Variants in ZCCHC24 observed in about 807,000 individuals in gnomAD.
The protein encoded by ZCCHC24 is zinc finger CCHC domain-containing protein 24.
In ZCCHC24, 10 loss-of-function variants were observed where a neutral mutation model predicts 26.2. The observed-to-expected ratio is 0.38, with a 90% CI of 0.24 to 0.65. The LOEUF (loss-of-function observed/expected upper bound fraction) is 0.65. Ranked by LOEUF, ZCCHC24 falls within the 30% of genes least tolerant of loss-of-function variation. ZCCHC24 has a pLI of 0.54. For synonymous variants in ZCCHC24, 144 were observed against 147.1 expected (o/e 0.98, Z 0.15); for missense variants, 243 against 329.1 (o/e 0.74, Z 2.03).
At chr10:79,409,958 AG>A (rs1370663729) in intron 2 of ZCCHC24, among the ~76,000 whole-genome samples, 1 of 152,186 alleles carries the variant, frequency 6.6e-6, no homozygotes, top group African/African-American at 2.4e-5. Flanking sequence ...AGAGCAAGGC[AG>A]GGGATGCGTT....
At chr10:79,418,753 TG>T (rs948625200) in intron 2 of ZCCHC24, among the ~76,000 whole-genome samples, 1 of 151,634 alleles carries the variant, frequency 6.6e-6, no homozygotes, top group African/African-American at 2.4e-5. Context: ...CAGATGGGGA[TG>T]GGGGAAAGAT....
In ZCCHC24 at chr10:79,386,305, G is replaced by A; in HGVS notation, c.*40C>T. On this transcript the variant is annotated 3_prime_UTR_variant, in exon 4 of 4. Transcript: ENST00000372336. ...AGCACAGGGAAGCAGCGTCTCCTCG[G>A]GCTGGCGGGGGGTGGCTCTGGGTGC... The A allele has an allele frequency of 2.5e-6, 4 of 1,585,998 alleles. No individual in the cohort carries two copies. The highest frequency in any genetic ancestry group is 1.7e-4 in the Middle Eastern group (1 of 6,018).
At chr10:79,417,752 G>C (rs1005321977) in intron 2 of ZCCHC24, among the ~76,000 whole-genome samples, 4 of 152,208 alleles carry the variant, frequency 2.6e-5, no homozygotes, top group African/African-American at 7.2e-5. Context: ...GCATGAGGAA[G>C]GCCTGATGTC....
Position 79,445,562 on chromosome 10 carries a change from C to A in ZCCHC24, c.-122G>T. ...CCTCCCGAGCCCCGACGGTGATCGC[C>A]CCGCGCCCTGCGCCCCGCGCGCTGC... On this transcript the variant is annotated 5_prime_UTR_variant, in exon 1 of 4. Transcript: ENST00000372336. 1.1e-6 allele frequency: 1 copy of A among 899,426 alleles called. No individual in the cohort carries two copies. The highest frequency in any genetic ancestry group is 5.3e-5 in the East Asian group (1 of 18,972). 55.7% of individuals were successfully genotyped at this position (899,426 alleles called of 1,614,324 possible).
intron 1 of ZCCHC24, among the ~76,000 whole-genome samples, chr10:79,435,428 G>A (rs949003745): frequency 5.9e-5 from 9 of 152,130 alleles, no homozygotes; most frequent in Non-Finnish European, 1.0e-4. Context: ...AGGCCTCTAA[G>A]CGGGTGCCCT....
At chr10:79,389,859 A>C (rs1856452926) in intron 3 of ZCCHC24, among the ~76,000 whole-genome samples, 1 of 151,682 alleles carries the variant, frequency 6.6e-6, no homozygotes. Context: ...CAAGTGATCC[A>C]CCCACTTTGG....
At chr10:79,418,142 C>T (rs988587804) in intron 2 of ZCCHC24, among the ~76,000 whole-genome samples, 33 of 152,226 alleles carry the variant, frequency 2.2e-4, no homozygotes, top group Non-Finnish European at 1.0e-4. Flanking sequence ...CACCCTCGCT[C>T]GCACACCTCT....
At chr10:79,424,549 G>A (rs1336368086) in intron 2 of ZCCHC24, among the ~76,000 whole-genome samples, 1 of 152,128 alleles carries the variant, frequency 6.6e-6, no homozygotes, top group Non-Finnish European at 1.5e-5. Context: ...CTTGTGTCCA[G>A]TCATCAGTCC....
At chr10:79,416,114 G>T (rs1435943160) in intron 2 of ZCCHC24, among the ~76,000 whole-genome samples, 2 of 152,206 alleles carry the variant, frequency 1.3e-5, no homozygotes, top group Admixed American at 6.5e-5. Flanking sequence ...ATAAATAAAA[G>T]TATTTTTATT....
At chr10:79,417,029 T>A (rs1180354245) in intron 2 of ZCCHC24, among the ~76,000 whole-genome samples, 1 of 152,236 alleles carries the variant, frequency 6.6e-6, no homozygotes, top group African/African-American at 2.4e-5. Context: ...TGGCTCACAC[T>A]TGCTGAGCAC....
intron 2 of ZCCHC24, among the ~76,000 whole-genome samples, chr10:79,430,686 C>CACCACACACACACA (rs370025190): frequency 2.8e-4 from 40 of 140,696 alleles, no homozygotes; most frequent in Middle Eastern, 3.7e-3. Context: ...CACACACACA[C>CACCACACACACACA]CACACACACA....
intron 2 of ZCCHC24, among the ~76,000 whole-genome samples, chr10:79,401,420 C>T (rs183523337): frequency 1.3e-3 from 191 of 152,338 alleles, no homozygotes; most frequent in African/African-American, 4.3e-3. Context: ...GGAACGCTGA[C>T]GCATGTAGAG....
chr10:79,406,568 C>T (rs1272473365), intron 2 of ZCCHC24, among the ~76,000 whole-genome samples: 1 of 152,120 alleles, frequency 6.6e-6, no homozygotes, highest in Non-Finnish European at 1.5e-5. Flanking sequence ...ATGGAGTGTC[C>T]CCAAATGGTC....
chr10:79,436,327 T>C (rs1857217153), intron 1 of ZCCHC24, among the ~76,000 whole-genome samples: 1 of 152,206 alleles, frequency 6.6e-6, no homozygotes, highest in South Asian at 2.1e-4. Context: ...TCCAGGGTTG[T>C]GGCCTTGACC....
Position 79,389,861 on chromosome 10 carries a change from C to A in ZCCHC24, c.613-3403G>T, listed in dbSNP as rs4603244. On this transcript the variant is annotated intron_variant, in intron 3 of 3. Transcript: ENST00000372336. ...GAGCTCCTGACCTCAAGTGATCCACCCACTTTGGCCTCCCAAAGTATTGGG... is the reference window on the plus strand; with the variant it reads ...GAGCTCCTGACCTCAAGTGATCCACACACTTTGGCCTCCCAAAGTATTGGG... 8.1e-3 allele frequency among the ~76,000 whole-genome samples: 1,230 copies of A among 152,066 alleles called. 9 individuals are homozygous for A. Among genetic ancestry groups the A allele is most frequent in the South Asian group, 0.013 (64 of 4,826 alleles).
Position 79,445,451 on chromosome 10 carries a change from C to A in ZCCHC24, c.-11G>T. 7.1e-7 allele frequency: 1 copy of A among 1,417,362 alleles called. No individual in the cohort carries two copies. The highest frequency in any genetic ancestry group is 3.1e-5 in the East Asian group (1 of 32,634). The allele number at this position is 1,417,362 out of a possible 1,614,324, so 87.8% of individuals were successfully genotyped here. A position where few individuals can be genotyped will look rare whatever the true frequency, so the allele number is the denominator to read the frequency against. On this transcript the variant is annotated 5_prime_UTR_variant, in exon 1 of 4. Transcript: ENST00000372336. ...CGACAGCAGGCTCATTTTGTGGCGG[C>A]GGTGCCGGCCCCTCCCCGGCCGCCC...
chr10:79,420,653 T>C (rs1235441862), intron 2 of ZCCHC24, among the ~76,000 whole-genome samples: 1 of 152,112 alleles, frequency 6.6e-6, no homozygotes, highest in Non-Finnish European at 1.5e-5. Flanking sequence ...GTGGTTCATG[T>C]CTATAGTTCC....
chr10:79,437,799 C>T (rs1030693005), intron 1 of ZCCHC24, among the ~76,000 whole-genome samples: 22 of 152,228 alleles, frequency 1.4e-4, no homozygotes, highest in African/African-American at 4.3e-4. Context: ...CAGTTCTCCC[C>T]GGAGCAAGCC....
At chr10:79,429,892 G>T (rs1214293230) in intron 2 of ZCCHC24, among the ~76,000 whole-genome samples, 1 of 152,126 alleles carries the variant, frequency 6.6e-6, no homozygotes, top group East Asian at 1.9e-4. Context: ...GCCTTGCACT[G>T]AGCACCGCTG....
Sources: allele counts gnomAD v4.1 joint callset (sites outside exome capture counted in the v4.1 genomes callset), GRCh38; gene constraint gnomAD v4.1.1; transcripts MANE v1.5; gene names NCBI Gene and HGNC (gene_info 2026-07-23, HGNC 2026-07-21).